The following TPRG1 variants were observed in gnomAD, a reference collection of about 807,000 sequenced individuals.
TPRG1 encodes the protein tumor protein p63-regulated gene 1 protein.
A neutral mutation model predicts 29.3 loss-of-function variants in TPRG1; 29 were observed. That is an observed-to-expected ratio of 0.99 (90% CI 0.74 to 1.35). The LOEUF (loss-of-function observed/expected upper bound fraction) is 1.35. TPRG1 is among the 40% of genes most tolerant of loss of function. The probability of loss-of-function intolerance (pLI) is 0.00; values close to 1 mark genes in which losing one functional copy is unlikely to be tolerated. For synonymous variants in TPRG1, 130 were observed against 116.8 expected (o/e 1.11, Z -0.73); for missense variants, 327 against 335.0 (o/e 0.98, Z 0.19).
At chr3:189,127,756 T>G (rs889997347) in intron 2 of TPRG1, among the ~76,000 whole-genome samples, 1 of 152,216 alleles carries the variant, frequency 6.6e-6, no homozygotes, top group African/African-American at 2.4e-5. Context: ...GGTAGAACCT[T>G]GAGGTCCAGA....
At chr3:189,245,663 T>G (rs993203539) in intron 4 of TPRG1, among the ~76,000 whole-genome samples, 2 of 152,162 alleles carry the variant, frequency 1.3e-5, no homozygotes, top group African/African-American at 4.8e-5. Context: ...TTTGTAGTTT[T>G]TTACAAATAT....
At chr3:189,250,501 T>TCCCCC (rs1347491782) in intron 4 of TPRG1, among the ~76,000 whole-genome samples, 26 of 31,012 alleles carry the variant, frequency 8.4e-4, no homozygotes, top group Non-Finnish European at 1.4e-3. Context: ...AGTTCTGATT[T>TCCCCC]CCGCCCCCCC....
intron 1 of TPRG1, among the ~76,000 whole-genome samples, chr3:189,113,829 T>G (rs988510931): frequency 1.3e-5 from 2 of 151,808 alleles, no homozygotes; most frequent in Non-Finnish European, 2.9e-5. Flanking sequence ...AATGACGAGT[T>G]AATGGGTGCA....
Position 189,114,268 on chromosome 3 carries a change from CTTGTTTGTTTGT to C in TPRG1, c.-743-12770_-743-12759del, listed in dbSNP as rs138358925. Among the ~76,000 whole-genome samples the C allele has an allele frequency of 9.3e-5, 14 of 150,694 alleles. No homozygotes were observed. The South Asian group carries it at 2.1e-3, about 23-fold the overall frequency. On this transcript the variant is annotated intron_variant, in intron 1 of 6. Coordinates refer to the TPRG1 transcript ENST00000412373. The stretch of plus-strand genomic sequence containing the variant: ...TGTTGTACCAGGCACCTAGATGTTG[CTTGTTTGTTTGT>C]TTGTTTGTTTGTTTGTTTTAAGATG...
chr3:189,204,037 C>CAAAAAA (rs35367828), intron 1 of TPRG1, among the ~76,000 whole-genome samples: 2 of 87,922 alleles, frequency 2.3e-5, no homozygotes, highest in Admixed American at 1.2e-4. Context: ...GAGACTGTCT[C>CAAAAAA]AAAAAAAAAA....
intron 4 of TPRG1, among the ~76,000 whole-genome samples, chr3:189,084,674 C>T (rs1378461167): frequency 6.6e-6 from 1 of 152,224 alleles, no homozygotes; most frequent in Non-Finnish European, 1.5e-5. Context: ...CTCAGAACTG[C>T]CATCTCTCCT....
Position 189,325,073 on chromosome 3 carries a change from A to G in TPRG1, c.*4253A>G, listed in dbSNP as rs1724612298. ...CCAGTTCCCCAGAAGCTAAGGAAAA[A>G]CTCTGAGGCCTTGGAGTTACTGAGA... On this transcript the variant is annotated 3_prime_UTR_variant, in exon 6 of 6. Coordinates refer to ENST00000345063, the MANE Select transcript of TPRG1 (RefSeq NM_198485.4). 6.6e-6 allele frequency: 1 copy of G among 151,800 alleles called. No individual in the cohort carries two copies. The highest frequency in any genetic ancestry group is 2.4e-5 in the African/African-American group (1 of 41,286). 9.4% of individuals were successfully genotyped at this position (151,800 alleles called of 1,614,324 possible).
At chr3:189,283,695 T>A (rs1406821903) in intron 4 of TPRG1, among the ~76,000 whole-genome samples, 1 of 152,194 alleles carries the variant, frequency 6.6e-6, no homozygotes, top group Non-Finnish European at 1.5e-5. Context: ...TTGTTAAATC[T>A]ACATGAGGCA....
At position 189,180,996 on chromosome 3, in the gene TPRG1, A is replaced by G. The variant is rs140344773; in HGVS notation, c.-10+8865A>G. Among the ~76,000 whole-genome samples, 234 of 152,210 alleles carry G rather than the reference A, an allele frequency of 1.5e-3. 1 individual carries two copies. The highest frequency in any genetic ancestry group is 5.3e-3 in the African/African-American group (219 of 41,528). On this transcript the variant is annotated intron_variant, in intron 1 of 5. Transcript: ENST00000345063. ...TGACTTCTGTGTACTGGCAGGCTCA[A>G]CTCCAAGTAGAAGCTGCCAAGGCTT...
chr3:189,245,652 A>G (rs1413366887), intron 4 of TPRG1, among the ~76,000 whole-genome samples: 1 of 152,016 alleles, frequency 6.6e-6, no homozygotes, highest in East Asian at 1.9e-4. Context: ...CTTGAATTTT[A>G]TTTGTAGTTT....
chr3:189,045,918 G>A (rs1314617590), intron 4 of TPRG1, among the ~76,000 whole-genome samples: 3 of 152,142 alleles, frequency 2.0e-5, no homozygotes, highest in Non-Finnish European at 4.4e-5. Context: ...TCAGGTAGGG[G>A]CTGGGGCCAG....
At chr3:189,094,475 G>A (rs1020485622) in intron 4 of TPRG1, among the ~76,000 whole-genome samples, 16 of 152,148 alleles carry the variant, frequency 1.1e-4, no homozygotes, top group African/African-American at 2.4e-4. Flanking sequence ...GACAATCCCC[G>A]TTAAATGGCT....
intron 3 of TPRG1, among the ~76,000 whole-genome samples, chr3:189,005,113 G>A (rs1712219004): frequency 6.6e-6 from 1 of 152,118 alleles, no homozygotes; most frequent in African/African-American, 2.4e-5. Context: ...GGGAAGGGTA[G>A]TAATGGGCTG....
chr3:189,062,780 A>G (rs2152145402), intron 4 of TPRG1, among the ~76,000 whole-genome samples: 1 of 152,228 alleles, frequency 6.6e-6, no homozygotes, highest in South Asian at 2.1e-4. Context: ...ACTCTGAGAA[A>G]TACTATAAAT....
At position 189,144,433 on chromosome 3, in the gene TPRG1, T is replaced by G. The variant is rs557854394; in HGVS notation, c.-290-3151T>G. On this transcript the variant is annotated intron_variant, in intron 3 of 6. Coordinates refer to the TPRG1 transcript ENST00000412373. Reference sequence around the variant, plus strand: ...GGAAACAGTACATAAAATAGTGATGTGACTTCACATTTCGAAACAAAGAGG... The same window carrying G: ...GGAAACAGTACATAAAATAGTGATGGGACTTCACATTTCGAAACAAAGAGG... Among the ~76,000 whole-genome samples the G allele has an allele frequency of 1.9e-3, 290 of 152,354 alleles. 1 individual carries two copies. Among genetic ancestry groups the G allele is most frequent in the Admixed American group, 6.6e-3 (101 of 15,300 alleles).
chr3:189,054,277 C>T (rs76190373), intron 4 of TPRG1, among the ~76,000 whole-genome samples: 1,659 of 152,150 alleles, frequency 0.011, 26 homozygotes, highest in African/African-American at 0.037. Flanking sequence ...TCAGAGTATA[C>T]ACATTTGTCA....
intron 5 of TPRG1, among the ~76,000 whole-genome samples, chr3:189,159,923 G>C (rs932876166): frequency 1.3e-5 from 2 of 151,518 alleles, no homozygotes; most frequent in Non-Finnish European, 1.5e-5. Context: ...CAGTTTTCAC[G>C]AGCATTTCAA....
intron 4 of TPRG1, among the ~76,000 whole-genome samples, chr3:189,267,233 G>A (rs529052468): frequency 5.3e-5 from 8 of 152,240 alleles, no homozygotes; most frequent in African/African-American, 1.7e-4. Context: ...ATACCATATA[G>A]CCTAGGTTTG....
intron 4 of TPRG1, among the ~76,000 whole-genome samples, chr3:189,291,062 T>C (rs1439314314): frequency 1.3e-5 from 2 of 151,866 alleles, no homozygotes; most frequent in East Asian, 1.9e-4. Context: ...CCACCACACC[T>C]GGCTAATTTT....
Sources: gnomAD v4.1 joint callset for allele counts (sites outside exome capture counted in the v4.1 genomes callset) on GRCh38, gnomAD v4.1.1 for gene constraint, MANE v1.5 for transcripts, NCBI Gene and HGNC (gene_info 2026-07-23, HGNC 2026-07-21) for gene names.